Variants in CD80 observed in about 807,000 individuals in gnomAD.
CD80 encodes the protein T-lymphocyte activation antigen CD80.
CD80 carries 13 observed loss-of-function variants against 27.1 expected under a neutral mutation model. The observed-to-expected ratio is 0.48, with a 90% CI of 0.31 to 0.76. CD80 has a LOEUF of 0.76. Ranked by LOEUF, CD80 falls within the 30% of genes least tolerant of loss-of-function variation. CD80 has a pLI of 0.04. For synonymous variants in CD80, 125 were observed against 125.5 expected (o/e 1.00, Z 0.03); for missense variants, 277 against 347.9 (o/e 0.80, Z 1.62).
chr3:119,527,808 T>C lies in CD80; in HGVS notation c.830A>G (p.Asn277Ser), dbSNP rs757454283. Residue 277 changes from asparagine (N) to serine (S), a missense_variant, in exon 6 of 7, where the codon AAT (asparagine) becomes AGT (serine). By Grantham distance (46) the Asn-to-Ser change is conservative. Coordinates refer to ENST00000264246, the MANE Select transcript of CD80 (RefSeq NM_005191.4). ...TACACTTTCCCTTCTCAATCTCTCATTCCTCCTTCTCTCTCTGCATCTTGG... is the reference window on the plus strand; with the variant it reads ...TACACTTTCCCTTCTCAATCTCTCACTCCTCCTTCTCTCTCTGCATCTTGG... Reference protein sequence around the residue: ...FAPRCRERRRNERLRRESVRP... With the variant: ...FAPRCRERRRSERLRRESVRP... 1 of 1,613,884 alleles carries C rather than the reference T, an allele frequency of 6.2e-7. No individual in the cohort carries two copies. Among genetic ancestry groups the C allele is most frequent in the African/African-American group, 1.3e-5 (1 of 74,924 alleles).
intron 1 of CD80, among the ~76,000 whole-genome samples, chr3:119,558,694 T>C (rs1325831367): frequency 7.1e-6 from 1 of 141,610 alleles, no homozygotes; most frequent in African/African-American, 2.7e-5. Flanking sequence ...ATCCAGGAGG[T>C]GGAGGCTGCA....
rs1174489198 is a variant in CD80, at chr3:119,537,266, G to T, written c.571C>A (p.Gln191Lys). Residue 191 changes from glutamine (Q) to lysine (K), a missense_variant, in exon 4 of 7, where the codon CAA becomes AAA. By Grantham distance (53) the Gln-to-Lys change is moderately conservative (BLOSUM62 1). Coordinates refer to ENST00000264246, the MANE Select transcript of CD80 (RefSeq NM_005191.4). The stretch of plus-strand genomic sequence containing the variant: ...GCATAGAGCTCAGTTTCAGGATCTT[G>T]GGAAACTGTTGTGTTGATGGCATTT... ...ELNAINTTVS[Q>K]DPETELYAVS... The T allele has an allele frequency of 1.2e-6, 2 of 1,614,050 alleles. No individual in the cohort carries two copies. Among genetic ancestry groups the T allele is most frequent in the East Asian group, 4.5e-5 (2 of 44,860 alleles).
At chr3:119,552,453 C>CTGTGAGCCAGAGATTGT (rs2082238264) in intron 2 of CD80, among the ~76,000 whole-genome samples, 1 of 138,680 alleles carries the variant, frequency 7.2e-6, no homozygotes, top group Non-Finnish European at 1.5e-5. Flanking sequence ...GCGGAGCTTG[C>CTGTGAGCCAGAGATTGT]TGTGAGCCAG....
intron 4 of CD80, among the ~76,000 whole-genome samples, chr3:119,534,775 A>G (rs1051416731): frequency 2.0e-5 from 3 of 152,232 alleles, no homozygotes; most frequent in African/African-American, 7.2e-5. Context: ...ATTTTAATAA[A>G]ATTTTTACAA....
intron 6 of CD80, among the ~76,000 whole-genome samples, chr3:119,527,128 T>C (rs1181782167): frequency 2.0e-5 from 3 of 152,222 alleles, no homozygotes; most frequent in African/African-American, 7.2e-5. Context: ...CTGGAAACCA[T>C]GCCATGTGAG....
chr3:119,527,962 AC>A, intron 5 of CD80, 121 bp from the exon 6 acceptor site: 1 of 802,580 alleles, frequency 1.2e-6, no homozygotes, highest in Non-Finnish European at 2.1e-6. Flanking sequence ...TTGTTCTTAT[AC>A]CAGGGGTGAT....
intron 4 of CD80, among the ~76,000 whole-genome samples, chr3:119,532,498 G>GAA (rs10575529): frequency 7.2e-6 from 1 of 139,300 alleles, no homozygotes. Context: ...AAAAGACAAA[G>GAA]AAAAAAAAAA....
rs138834198 is a variant in CD80 at position 119,537,150 on chromosome 3, G to A, written c.687C>T (p.Phe229=). 4.0e-4 allele frequency: 646 copies of A among 1,612,504 alleles called. No individual in the cohort carries two copies. Among genetic ancestry groups the A allele is most frequent in the Non-Finnish European group, 4.9e-4 (576 of 1,178,580 alleles). Residue 229 remains phenylalanine (F), a synonymous_variant, in exon 4 of 7, where the codon TTC becomes TTT. Transcript: ENST00000264246. ...KYGHLRVNQT[F]NWNTTKQEHF... is the part of the protein sequence containing the mutation. ...AATGTCACTTACTTGTATTCCAGTT[G>A]AAGGTCTGATTCACTCTTAAATGTC... is the stretch of plus-strand genomic sequence containing the variant.
chr3:119,541,942 CTTT>C (rs2107743752), intron 3 of CD80, among the ~76,000 whole-genome samples: 1 of 152,002 alleles, frequency 6.6e-6, no homozygotes, highest in South Asian at 2.1e-4. Flanking sequence ...GGATTTTCTT[CTTT>C]ATCTTTCTAT....
At chr3:119,540,176 C>T (rs760057306) in intron 3 of CD80, among the ~76,000 whole-genome samples, 16 of 152,314 alleles carry the variant, frequency 1.1e-4, no homozygotes, top group Admixed American at 2.0e-4. Context: ...GTCTCAGTCT[C>T]CTGACCTCGT....
intron 2 of CD80, among the ~76,000 whole-genome samples, chr3:119,545,834 C>T (rs1433586560): frequency 6.6e-6 from 1 of 152,002 alleles, no homozygotes; most frequent in Non-Finnish European, 1.5e-5. Flanking sequence ...CATGGGTGTG[C>T]AAATATCTCT....
intron 4 of CD80, among the ~76,000 whole-genome samples, chr3:119,535,192 A>G (rs973093664): frequency 3.3e-3 from 371 of 112,044 alleles, no homozygotes; most frequent in African/African-American, 0.011. Context: ...ACTCCGTCTC[A>G]AAAAAAAAAA....
At chr3:119,550,308 A>G (rs574553544) in intron 2 of CD80, among the ~76,000 whole-genome samples, 82 of 152,338 alleles carry the variant, frequency 5.4e-4, no homozygotes, top group African/African-American at 2.0e-3. Context: ...TGATTTTGGT[A>G]TGTGGTGATG....
chr3:119,536,128 G>A (rs2082136471), intron 4 of CD80, among the ~76,000 whole-genome samples: 1 of 151,938 alleles, frequency 6.6e-6, no homozygotes, highest in African/African-American at 2.4e-5. Context: ...GCTGGCGCCT[G>A]TAATCCCAGC....
At chr3:119,527,892 T>C in intron 5 of CD80, 51 bp from the exon 6 acceptor site, 1 of 1,468,080 alleles carries the variant, frequency 6.8e-7, no homozygotes, top group Non-Finnish European at 9.5e-7. Context: ...TCCCTTGAAT[T>C]GTGCCCATAT....
intron 3 of CD80, 107 bp downstream of exon 3, chr3:119,544,443 G>C: frequency 1.2e-6 from 1 of 863,442 alleles, no homozygotes; most frequent in Non-Finnish European, 1.8e-6. Flanking sequence ...GAAATGAAGT[G>C]AGATACATCC....
chr3:119,544,807 A>C lies in CD80; in HGVS notation c.161T>G (p.Val54Gly). 1 of 1,614,196 alleles carries C rather than the reference A, an allele frequency of 6.2e-7. No homozygotes were observed. The highest frequency in any genetic ancestry group is 1.1e-5 in the South Asian group (1 of 91,080). Residue 54 changes from valine (V) to glycine (G), a missense_variant, in exon 3 of 7, where the codon GTT becomes GGT. Val to Gly is a moderately radical substitution (Grantham distance 109). Coordinates refer to ENST00000264246, the MANE Select transcript of CD80 (RefSeq NM_005191.4). ...EVATLSCGHN[V>G]SVEELAQTRI... is the part of the protein sequence containing the mutation. ...AGTTTGTGCCAGCTCTTCAACAGAA[A>C]CATTGTGACCACAGGACAGCGTTGC... is the stretch of plus-strand genomic sequence containing the variant.
rs755417912 is a variant in CD80 at position 119,529,841 on chromosome 3, C to G, written c.796+1G>C. On this transcript the variant is annotated splice_donor_variant, in intron 5 of 6. Transcript: ENST00000264246. LOFTEE classifies it high-confidence loss of function. Reference sequence around the variant, plus strand: ...CAGGATGATGGTATGATAGTACTTACAGTAGGTCAGGCAGCATATCACAAA... The same window carrying G: ...CAGGATGATGGTATGATAGTACTTAGAGTAGGTCAGGCAGCATATCACAAA... The G allele has an allele frequency of 3.8e-6, 6 of 1,580,740 alleles. No individual in the cohort carries two copies. Among genetic ancestry groups the G allele is most frequent in the African/African-American group, 2.7e-5 (2 of 74,228 alleles).
rs112729650 is a variant in CD80 at position 119,529,958 on chromosome 3, T to C, written c.701-21A>G. On this transcript the variant is annotated intron_variant, in intron 4 of 6. Transcript: ENST00000264246. ...CTTGGCTATGGAGGGAAAAGAATAA[T>C]GTCAGCTGTAATGTATTTCCTACTG... 124 of 1,525,670 alleles carry C rather than the reference T, an allele frequency of 8.1e-5. No homozygotes were observed. The African/African-American group carries it at 1.2e-3, about 14-fold the overall frequency. 94.5% of individuals were successfully genotyped at this position (1,525,670 alleles called of 1,614,324 possible).
Sources: gnomAD v4.1 joint callset for allele counts (sites outside exome capture counted in the v4.1 genomes callset) on GRCh38, gnomAD v4.1.1 for gene constraint, MANE v1.5 for transcripts, NCBI Gene and HGNC (gene_info 2026-07-23, HGNC 2026-07-21) for gene names.